RAB30: variants seen among roughly 807,000 people sequenced by gnomAD.
RAB30 encodes RAB30, member RAS oncogene family, also known as ras-related protein Rab-30.
RAB30 carries 9 observed loss-of-function variants against 25.1 expected under a neutral mutation model. The observed-to-expected ratio is 0.36, with a 90% CI of 0.22 to 0.63. The LOEUF (loss-of-function observed/expected upper bound fraction) is 0.63. RAB30 is among the 20% of genes least tolerant of loss of function. The pLI, the probability that RAB30 is intolerant of heterozygous loss-of-function variation, is 0.69. For missense variants in RAB30, 140 were observed against 243.5 expected, an observed-to-expected ratio of 0.58 and a Z score of 2.83; for synonymous variants, 77 against 86.4, an observed-to-expected ratio of 0.89 and a Z score of 0.60.
chr11:83,026,455 G>T (rs1857716778), intron 1 of RAB30, among the ~76,000 whole-genome samples: 1 of 152,038 alleles, frequency 6.6e-6, no homozygotes, highest in Admixed American at 6.6e-5. Context: ...CTGGTTAAGA[G>T]TACGGCACCT....
chr11:83,000,069 T>C (rs1487919878), intron 1 of RAB30, among the ~76,000 whole-genome samples: 1 of 152,006 alleles, frequency 6.6e-6, no homozygotes, highest in Non-Finnish European at 1.5e-5. Context: ...AAAACAACCC[T>C]ATGAGGGGGA....
intron 1 of RAB30, among the ~76,000 whole-genome samples, chr11:83,019,799 G>C (rs530354881): frequency 6.6e-6 from 1 of 152,346 alleles, no homozygotes. Context: ...ACGAGAGGTA[G>C]CTTAATGGAA....
intron 1 of RAB30, among the ~76,000 whole-genome samples, chr11:83,048,308 T>A (rs1008021983): frequency 6.6e-6 from 1 of 151,824 alleles, no homozygotes; most frequent in African/African-American, 2.4e-5. Flanking sequence ...AGTGAAATCC[T>A]AAAAAAGTAA....
chr11:83,060,912 A>G (rs909176678), intron 1 of RAB30, among the ~76,000 whole-genome samples: 2 of 152,152 alleles, frequency 1.3e-5, no homozygotes, highest in African/African-American at 4.8e-5. Context: ...GAAAAGGCGA[A>G]TATGTCAAGC....
intron 3 of RAB30, among the ~76,000 whole-genome samples, chr11:82,992,154 C>T (rs879893338): frequency 2.0e-5 from 3 of 152,212 alleles, no homozygotes; most frequent in South Asian, 4.1e-4. Context: ...TAACTACCTC[C>T]CCTCCACTAG....
intron 1 of RAB30, chr11:83,041,393 A>C (rs181394168): frequency 5.6e-6 from 1 of 177,866 alleles, no homozygotes; most frequent in Non-Finnish European, 1.2e-5. Context: ...GGCTTTCCAA[A>C]GGCACCTCCA....
intron 4 of RAB30, among the ~76,000 whole-genome samples, chr11:82,986,622 C>T (rs554350804): frequency 9.8e-5 from 15 of 152,302 alleles, no homozygotes; most frequent in Non-Finnish European, 2.2e-4. Flanking sequence ...AAAAGTCCAG[C>T]AATTTGTTAC....
chr11:83,038,396 G>C (rs533499103), intron 1 of RAB30, among the ~76,000 whole-genome samples: 1 of 152,280 alleles, frequency 6.6e-6, no homozygotes, highest in East Asian at 1.9e-4. Context: ...ATTGATTAGC[G>C]CTGTGTCCTC....
intron 1 of RAB30, among the ~76,000 whole-genome samples, chr11:83,039,433 C>T (rs922221795): frequency 6.6e-6 from 1 of 152,240 alleles, no homozygotes; most frequent in Admixed American, 6.5e-5. Flanking sequence ...AGTCCCAGCA[C>T]ATTGGGATGC....
chr11:83,045,755 T>C (rs951944474), intron 1 of RAB30, among the ~76,000 whole-genome samples: 2 of 152,242 alleles, frequency 1.3e-5, no homozygotes, highest in Non-Finnish European at 2.9e-5. Context: ...CTATACATAT[T>C]ATAGTAACTT....
At chr11:83,068,298 C>CAA (rs58584244) in intron 1 of RAB30, among the ~76,000 whole-genome samples, 1 of 131,194 alleles carries the variant, frequency 7.6e-6, no homozygotes, top group Non-Finnish European at 1.7e-5. Flanking sequence ...AACTCTGTCT[C>CAA]AAAAAAAAAA....
chr11:83,069,090 A>C (rs534161283), intron 1 of RAB30, among the ~76,000 whole-genome samples: 1 of 152,346 alleles, frequency 6.6e-6, no homozygotes, highest in African/African-American at 2.4e-5. Context: ...AAGAGCAAGG[A>C]TCATTATCCC....
intron 1 of RAB30, among the ~76,000 whole-genome samples, chr11:83,068,694 C>T (rs10898075): frequency 0.14 from 21,937 of 152,174 alleles, 1,693 homozygotes; most frequent in Middle Eastern, 0.23. Flanking sequence ...TCCCTTTGAA[C>T]TTTGAACATG....
At chr11:83,003,432 CT>C (rs989818786) in intron 1 of RAB30, among the ~76,000 whole-genome samples, 2 of 151,582 alleles carry the variant, frequency 1.3e-5, no homozygotes, top group African/African-American at 4.8e-5. Context: ...TTTCTTTTTT[CT>C]TTTTTTTAGA....
At chr11:83,005,873 A>AT (rs572249408) in intron 1 of RAB30, among the ~76,000 whole-genome samples, 176 of 152,202 alleles carry the variant, frequency 1.2e-3, no homozygotes, top group Non-Finnish European at 2.0e-3. Flanking sequence ...GAAAAATTCA[A>AT]TAACCGACTA....
chr11:83,060,450 T>G (rs893649909), intron 1 of RAB30, among the ~76,000 whole-genome samples: 6 of 152,134 alleles, frequency 3.9e-5, no homozygotes, highest in Non-Finnish European at 5.9e-5. Context: ...AGGGTGCCCT[T>G]TCAATGGAGA....
chr11:83,069,346 A>G (rs572268297), intron 1 of RAB30, among the ~76,000 whole-genome samples: 1 of 152,352 alleles, frequency 6.6e-6, no homozygotes, highest in Admixed American at 6.5e-5. Context: ...CCAGATGGAT[A>G]GCAGTTAGAC....
intron 1 of RAB30, among the ~76,000 whole-genome samples, chr11:83,036,867 A>G (rs1192255431): frequency 6.6e-6 from 1 of 152,218 alleles, no homozygotes; most frequent in Non-Finnish European, 1.5e-5. Context: ...ATAAAGGAGA[A>G]CAGGGACCAA....
chr11:82,989,442 A>G (rs998889142), intron 3 of RAB30, among the ~76,000 whole-genome samples: 2 of 152,210 alleles, frequency 1.3e-5, no homozygotes, highest in Non-Finnish European at 2.9e-5. Context: ...CTTCGATGAT[A>G]CACATGAAAG....
Sources: allele counts gnomAD v4.1 joint callset (sites outside exome capture counted in the v4.1 genomes callset), GRCh38; gene constraint gnomAD v4.1.1; transcripts MANE v1.5; gene names NCBI Gene and HGNC (gene_info 2026-07-23, HGNC 2026-07-21).